CCSER1: variants seen among roughly 807,000 people sequenced by gnomAD.
The protein encoded by CCSER1 is coiled-coil serine rich protein 1.
CCSER1 carries 41 observed loss-of-function variants against 82.0 expected under a neutral mutation model. The ratio of observed to expected loss-of-function variants is 0.50; its 90% confidence interval spans 0.39 to 0.65. CCSER1 has a LOEUF of 0.65. Among genes scored for constraint, CCSER1 ranks in the 30% least tolerant of loss-of-function variants. The pLI is 0.00. For missense variants in CCSER1, 1,119 were observed against 1,064.2 expected (o/e 1.05, Z -0.72); for synonymous variants, 414 against 383.9 (o/e 1.08, Z -0.92).
intron 5 of CCSER1, among the ~76,000 whole-genome samples, chr4:90,601,754 T>C (rs559102128): frequency 1.2e-3 from 187 of 152,222 alleles, no homozygotes; most frequent in Non-Finnish European, 1.7e-3. Context: ...ATATGCTGTA[T>C]ATTATTTTAA....
chr4:90,360,950 G>A (rs1309559087), intron 3 of CCSER1, among the ~76,000 whole-genome samples: 1 of 152,096 alleles, frequency 6.6e-6, no homozygotes, highest in Non-Finnish European at 1.5e-5. Context: ...CCATAATAAA[G>A]ATAAATAAAA....
chr4:90,829,395 A>G (rs1387343305), intron 8 of CCSER1, among the ~76,000 whole-genome samples: 1 of 152,146 alleles, frequency 6.6e-6, no homozygotes, highest in African/African-American at 2.4e-5. Context: ...GAGACTGGAG[A>G]AAAAAACAGC....
chr4:90,314,909 C>T (rs1046374800), intron 3 of CCSER1, among the ~76,000 whole-genome samples: 19 of 119,208 alleles, frequency 1.6e-4, no homozygotes, highest in African/African-American at 5.2e-4. Flanking sequence ...TGCACTGGTG[C>T]GATCTCGGTT....
chr4:91,325,103 A>G, intron 10 of CCSER1: 1 of 451,436 alleles, frequency 2.2e-6, no homozygotes, highest in Non-Finnish European at 4.4e-6. Context: ...CCCTTTACCA[A>G]GAGGGAGTAC....
intron 10 of CCSER1, among the ~76,000 whole-genome samples, chr4:91,166,095 T>G (rs1468517786): frequency 6.6e-6 from 1 of 152,252 alleles, no homozygotes; most frequent in East Asian, 1.9e-4. Context: ...CATTTTAAGA[T>G]TTTTAAAAAG....
intron 10 of CCSER1, among the ~76,000 whole-genome samples, chr4:91,538,698 C>CATATATTATATATATATATATATTTTAT: frequency 3.6e-5 from 5 of 138,324 alleles, no homozygotes; most frequent in Admixed American, 7.3e-5. Context: ...TATATATACA[C>CATATATTATATATATATATATATTTTAT]ATATATATAT....
In CCSER1 at chr4:90,750,751, A is replaced by G. The variant is rs189477854; in HGVS notation, c.2010+26760A>G. ...GATCATAAAACATAGTAAACAGTAT[A>G]CATTCAATTTTATATGAATATTGGT... On this transcript the variant is annotated intron_variant, in intron 7 of 10. Coordinates refer to ENST00000509176, the MANE Select transcript of CCSER1 (RefSeq NM_001145065.2). 1.0e-3 allele frequency among the ~76,000 whole-genome samples: 154 copies of G among 152,324 alleles called. 4 individuals are homozygous for G. The South Asian group carries it at 0.019, about 19-fold the overall frequency.
chr4:90,853,281 G>A (rs1764090398), intron 8 of CCSER1, among the ~76,000 whole-genome samples: 2 of 151,892 alleles, frequency 1.3e-5, no homozygotes, highest in South Asian at 4.1e-4. Context: ...CTTTAGAGAT[G>A]TTCATTTTTT....
intron 10 of CCSER1, among the ~76,000 whole-genome samples, chr4:91,348,444 T>TTTG (rs1365595907): frequency 6.6e-6 from 1 of 152,186 alleles, no homozygotes; most frequent in Non-Finnish European, 1.5e-5. Context: ...TTTTGTCTTG[T>TTTG]AACTGATTTG....
At chr4:90,415,354 T>A (rs1220023155) in intron 4 of CCSER1, among the ~76,000 whole-genome samples, 1 of 152,220 alleles carries the variant, frequency 6.6e-6, no homozygotes, top group African/African-American at 2.4e-5. Context: ...TGGCAAAAGC[T>A]TGGAGCCTTA....
intron 10 of CCSER1, among the ~76,000 whole-genome samples, chr4:91,352,877 G>A (rs1748569114): frequency 6.6e-6 from 1 of 152,138 alleles, no homozygotes; most frequent in East Asian, 1.9e-4. Context: ...GGTGTCTACT[G>A]GGAAGATGAG....
intron 7 of CCSER1, among the ~76,000 whole-genome samples, chr4:90,798,664 T>C (rs1467515541): frequency 1.3e-5 from 2 of 152,220 alleles, no homozygotes; most frequent in African/African-American, 4.8e-5. Context: ...AAAAATTCTT[T>C]TATCCTATTT....
At chr4:91,570,311 G>A (rs1208585615) in intron 10 of CCSER1, among the ~76,000 whole-genome samples, 2 of 151,388 alleles carry the variant, frequency 1.3e-5, no homozygotes, top group Non-Finnish European at 2.9e-5. Context: ...TGGAGGATGT[G>A]GCCTTCTTCT....
In CCSER1 at chr4:91,456,063, T is replaced by C. The variant is rs150332398; in HGVS notation, c.2218-142509T>C. Among the ~76,000 whole-genome samples the C allele has an allele frequency of 2.6e-5, 4 of 152,140 alleles. No individual in the cohort carries two copies. The East Asian group carries it at 7.8e-4, about 29-fold the overall frequency. On this transcript the variant is annotated intron_variant, in intron 10 of 10. Coordinates refer to ENST00000509176, the MANE Select transcript of CCSER1 (RefSeq NM_001145065.2). ...CTACCACAGAATTTTATGAACTAGGTGTCTTGTAAACCTGTGAGAAATTTA... is the reference window on the plus strand; with the variant it reads ...CTACCACAGAATTTTATGAACTAGGCGTCTTGTAAACCTGTGAGAAATTTA...
chr4:90,545,756 A>G (rs562754097), intron 5 of CCSER1, among the ~76,000 whole-genome samples: 1 of 152,288 alleles, frequency 6.6e-6, no homozygotes, highest in Non-Finnish European at 1.5e-5. Context: ...ACTTCGGAAC[A>G]TTTAAAAAGA....
intron 6 of CCSER1, among the ~76,000 whole-genome samples, chr4:90,672,380 C>T (rs1420875449): frequency 6.6e-6 from 1 of 151,976 alleles, no homozygotes; most frequent in East Asian, 1.9e-4. Flanking sequence ...CATCATGAAT[C>T]AACCTTTGCT....
chr4:91,014,683 C>CA (rs1165508925), intron 9 of CCSER1, among the ~76,000 whole-genome samples: 20 of 82,486 alleles, frequency 2.4e-4, no homozygotes, highest in Non-Finnish European at 5.4e-4. Context: ...CAAATGTAAA[C>CA]ATACATTCAA....
intron 10 of CCSER1, among the ~76,000 whole-genome samples, chr4:91,123,892 A>G (rs530991152): frequency 6.6e-6 from 1 of 151,768 alleles, no homozygotes; most frequent in Non-Finnish European, 1.5e-5. Context: ...TCCTAATTTA[A>G]TTAAACCTAG....
intron 5 of CCSER1, among the ~76,000 whole-genome samples, chr4:90,534,441 T>TTGTG (rs376987549): frequency 0.059 from 7,989 of 136,308 alleles, 273 homozygotes; most frequent in Middle Eastern, 0.1. Flanking sequence ...TGCCAGCCTT[T>TTGTG]TGTGTGTGTG....
Sources: allele counts gnomAD v4.1 joint callset (sites outside exome capture counted in the v4.1 genomes callset), GRCh38; gene constraint gnomAD v4.1.1; transcripts MANE v1.5; gene names NCBI Gene and HGNC (gene_info 2026-07-23, HGNC 2026-07-21).